The following LRRC4B variants were observed in gnomAD, a reference collection of about 807,000 sequenced individuals.
LRRC4B encodes the protein leucine-rich repeat-containing protein 4B.
A neutral mutation model predicts 7.3 loss-of-function variants in LRRC4B; 1 was observed. That is an observed-to-expected ratio of 0.14 (90% CI 0.05 to 0.65). LRRC4B has a LOEUF of 0.65. LRRC4B is among the 30% of genes least tolerant of loss of function. The pLI, the probability that LRRC4B is intolerant of heterozygous loss-of-function variation, is 0.84. For missense variants in LRRC4B, 730 were observed against 1,041.6 expected (o/e 0.70, Z 4.12); for synonymous variants, 500 against 499.2 (o/e 1.00, Z -0.02).
intron 2 of LRRC4B, among the ~76,000 whole-genome samples, chr19:50,532,788 G>A (rs998825382): frequency 1.3e-5 from 2 of 152,210 alleles, no homozygotes; most frequent in Non-Finnish European, 2.9e-5. Flanking sequence ...GGCCAAATTC[G>A]TGACAGACTT....
At chr19:50,532,638 C>T (rs1981107891) in intron 2 of LRRC4B, among the ~76,000 whole-genome samples, 1 of 152,144 alleles carries the variant, frequency 6.6e-6, no homozygotes. Context: ...TCATCAGTCA[C>T]ACACACACAC....
chr19:50,526,876 T>C (rs546507013), intron 2 of LRRC4B, among the ~76,000 whole-genome samples: 268 of 147,526 alleles, frequency 1.8e-3, no homozygotes, highest in South Asian at 4.4e-3. Flanking sequence ...TTTTTTGAGA[T>C]AGAGTCTCAC....
chr19:50,564,920 C>T (rs868282099), intron 1 of LRRC4B, among the ~76,000 whole-genome samples: 1 of 151,632 alleles, frequency 6.6e-6, no homozygotes, highest in Non-Finnish European at 1.5e-5. Context: ...GCCTGAAGAT[C>T]GGCCTCTCTG....
chr19:50,548,450 C>A lies in LRRC4B; in HGVS notation c.297+92G>T. ...ACAGGTGCCGGAGACGGGGAAGCCC[C>A]GGTGTGGGGAGGCCCAGAAGGGATG... On this transcript the variant is annotated intron_variant, in intron 2 of 2. Coordinates refer to ENST00000652263, the MANE Select transcript of LRRC4B (RefSeq NM_001080457.2). The surrounding 1 kb of genome is among the most constrained non-coding windows in gnomAD (Gnocchi z 6.8). 1 of 1,490,582 alleles carries A rather than the reference C, an allele frequency of 6.7e-7. No individual in the cohort carries two copies. The highest frequency in any genetic ancestry group is 9.0e-7 in the Non-Finnish European group (1 of 1,110,982). The allele number at this position is 1,490,582 out of a possible 1,614,324, so 92.3% of individuals were successfully genotyped here. A position where few individuals can be genotyped will look rare whatever the true frequency, so the allele number is the denominator to read the frequency against.
rs1401551426 is a variant in LRRC4B at position 50,537,503 on chromosome 19, G to A, written c.297+11039C>T. On this transcript the variant is annotated intron_variant, in intron 2 of 2. Transcript: ENST00000652263. This position sits in a 1 kb window ranked among gnomAD's most constrained non-coding sequence, Gnocchi z 5.5. The stretch of plus-strand genomic sequence containing the variant: ...TAGCGTCATTCGTGGAGGGGAGAAC[G>A]CGGGTCTTGTGCCTCTCAGGACTCG... Among the ~76,000 whole-genome samples the A allele has an allele frequency of 6.6e-6, 1 of 152,182 alleles. No homozygotes were observed. The highest frequency in any genetic ancestry group is 2.4e-5 in the African/African-American group (1 of 41,436).
chr19:50,564,646 C>G (rs188181317), intron 1 of LRRC4B, among the ~76,000 whole-genome samples: 2 of 151,800 alleles, frequency 1.3e-5, no homozygotes, highest in Non-Finnish European at 2.9e-5. Flanking sequence ...GATGGAGAGG[C>G]GAGACGGCTT....
intron 2 of LRRC4B, among the ~76,000 whole-genome samples, chr19:50,542,469 ATTTTTTTTTTT>A (rs58092334): frequency 9.3e-6 from 1 of 107,236 alleles, no homozygotes; most frequent in Non-Finnish European, 1.8e-5. Flanking sequence ...AGAATTGCTG[ATTTTTTTTTTT>A]TTTTTTTTTT....
rs1451775755 is a variant in LRRC4B, at chr19:50,567,306, G to T, written c.-36+638C>A. 2.6e-5 allele frequency among the ~76,000 whole-genome samples: 4 copies of T among 151,820 alleles called. No homozygotes were observed. In the South Asian group the frequency reaches 8.3e-4, roughly 31 times the overall value. On this transcript the variant is annotated intron_variant, in intron 1 of 2. Transcript: ENST00000652263. ...GGCAGGGGTCCGAGCCGCCCACCAG[G>T]AGAGGCGGGGTGACCCCAGAGGGAG...
At chr19:50,540,258 C>G (rs76115213) in intron 2 of LRRC4B, among the ~76,000 whole-genome samples, 1 of 152,162 alleles carries the variant, frequency 6.6e-6, no homozygotes, top group Non-Finnish European at 1.5e-5. Flanking sequence ...CTGTTAGGAA[C>G]CAGGCTGCAC....
intron 2 of LRRC4B, among the ~76,000 whole-genome samples, chr19:50,520,203 CAAAAAAAAAAAAAAAAAAAAAAAAAAA>C (rs1173919963): frequency 2.1e-4 from 2 of 9,368 alleles, no homozygotes; most frequent in East Asian, 2.1e-3. Context: ...AATACCCTGT[CAAAAAAAAAAAAAAAAAAAAAAAAAAA>C]AAAAAAAAAA....
chr19:50,523,811 TAGTC>T (rs1980686518), intron 2 of LRRC4B, among the ~76,000 whole-genome samples: 2 of 151,178 alleles, frequency 1.3e-5, no homozygotes. Context: ...TACAAAAAAT[TAGTC>T]AGGCATGGTG....
In LRRC4B at chr19:50,556,952, G is replaced by T. The variant is rs181589082; in HGVS notation, c.-35-8079C>A. Among the ~76,000 whole-genome samples the T allele has an allele frequency of 3.2e-3, 491 of 151,916 alleles. 3 individuals are homozygous for T. Among genetic ancestry groups the T allele is most frequent in the African/African-American group, 0.011 (467 of 41,428 alleles). On this transcript the variant is annotated intron_variant, in intron 1 of 2. Transcript: ENST00000652263. This position sits in a 1 kb window ranked among gnomAD's most constrained non-coding sequence, Gnocchi z 4.2. ...GAGGCCGTGGCAATGGGCCGGGGGC[G>T]GGGGGGCCCTCCTTCCTCTCACAAC...
intron 2 of LRRC4B, among the ~76,000 whole-genome samples, chr19:50,535,274 G>A (rs1406437602): frequency 6.6e-6 from 1 of 152,180 alleles, no homozygotes. Flanking sequence ...CTGGGTTCAA[G>A]TGATTCTCCC....
At position 50,548,587 on chromosome 19, in the gene LRRC4B, G is replaced by A. The variant is rs758821364; in HGVS notation, c.252C>T (p.Ile84=). The change falls in exon 2 of 3, where the codon ATC becomes ATT. Residue 84 remains isoleucine, a synonymous_variant. Transcript: ENST00000652263. This position sits in a 1 kb window ranked among gnomAD's most constrained non-coding sequence, Gnocchi z 6.8. ...RRDLAEVPAS[I]PVNTRYLNLQ... ...GGTTCAGGTACCGCGTGTTGACCGG[G>A]ATGCTGGCTGGGACCTCGGCCAGGT... The A allele has an allele frequency of 5.0e-6, 8 of 1,603,434 alleles. No homozygotes were observed. In the Admixed American group the frequency reaches 1.3e-4, roughly 27 times the overall value.
rs569147841 is a variant in LRRC4B, at chr19:50,545,165, T to C, written c.297+3377A>G. ...GCTCACGCCTGTAATCCTGGCACTT[T>C]GGGAGTCCGAGGCGGGCAGATCATC... On this transcript the variant is annotated intron_variant, in intron 2 of 2. Transcript: ENST00000652263. Among the ~76,000 whole-genome samples, 21 of 150,384 alleles carry C rather than the reference T, an allele frequency of 1.4e-4. No individual in the cohort carries two copies. The South Asian group carries it at 2.7e-3, about 20-fold the overall frequency.
In LRRC4B at chr19:50,564,950, T is replaced by G. The variant is rs374121620; in HGVS notation, c.-36+2994A>C. 9.9e-5 allele frequency among the ~76,000 whole-genome samples: 15 copies of G among 151,712 alleles called. No individual in the cohort carries two copies. The East Asian group carries it at 1.4e-3, about 14-fold the overall frequency. On this transcript the variant is annotated intron_variant, in intron 1 of 2. Coordinates refer to ENST00000652263, the MANE Select transcript of LRRC4B (RefSeq NM_001080457.2). ...TCTCTGCATGGGCCCTGAGGGTGTG[T>G]GTGCAGGCACATGTGTGCACAGGCT...
chr19:50,551,557 C>T (rs1005538316), intron 1 of LRRC4B, among the ~76,000 whole-genome samples: 2 of 136,790 alleles, frequency 1.5e-5, no homozygotes, highest in Non-Finnish European at 3.2e-5. Flanking sequence ...TCTCGGTCCT[C>T]CCCCTCCGCC....
intron 2 of LRRC4B, among the ~76,000 whole-genome samples, chr19:50,530,741 G>T (rs1161467913): frequency 3.5e-5 from 5 of 143,790 alleles, no homozygotes; most frequent in African/African-American, 1.0e-4. Flanking sequence ...CTCCTTTTTT[G>T]TTTTTTTTTT....
intron 2 of LRRC4B, among the ~76,000 whole-genome samples, chr19:50,541,723 T>C (rs552203877): frequency 8.5e-5 from 13 of 152,320 alleles, no homozygotes; most frequent in African/African-American, 1.4e-4. Flanking sequence ...GTGGATTCAG[T>C]GGTACTTTGT....
Sources: allele counts gnomAD v4.1 joint callset (sites outside exome capture counted in the v4.1 genomes callset), GRCh38; gene constraint gnomAD v4.1.1; non-coding constraint Gnocchi (gnomAD v3.1); transcripts MANE v1.5; gene names NCBI Gene and HGNC (gene_info 2026-07-23, HGNC 2026-07-21).